Variants in ERBB4 observed in about 807,000 individuals in gnomAD.
ERBB4 encodes receptor tyrosine-protein kinase erbB-4.
A neutral mutation model predicts 158.0 loss-of-function variants in ERBB4; 42 were observed. The observed-to-expected ratio is 0.27, with a 90% CI of 0.21 to 0.34. The LOEUF (loss-of-function observed/expected upper bound fraction) is 0.34, where lower values mean the gene tolerates loss of function less well. ERBB4 is among the 10% of genes least tolerant of loss of function. The pLI is 1.00. For synonymous variants in ERBB4, 583 were observed against 558.7 expected, an observed-to-expected ratio of 1.04 and a Z score of -0.61; for missense variants, 1,333 against 1,624.1, an observed-to-expected ratio of 0.82 and a Z score of 3.08.
rs1415636918 is a variant in ERBB4, at chr2:211,894,416, TG to T, written c.421+53013del. Reference sequence around the variant, plus strand: ...TCACACTCTGGGGACTGTGGTGGGGTGGGGGGAGGGGTGAGGGATAGCATTG... The same window carrying T: ...TCACACTCTGGGGACTGTGGTGGGGTGGGGGAGGGGTGAGGGATAGCATTG... On this transcript the variant is annotated intron_variant, in intron 3 of 27. Transcript: ENST00000342788. Among the ~76,000 whole-genome samples the T allele has an allele frequency of 3.1e-5, 3 of 97,714 alleles. No individual in the cohort carries two copies. In the South Asian group the frequency reaches 1.2e-3, roughly 38 times the overall value. The allele number at this position is 97,714 out of a possible 152,430, so 64.1% of individuals were successfully genotyped here. A position where few individuals can be genotyped will look rare whatever the true frequency, so the allele number is the denominator to read the frequency against.
chr2:211,851,777 T>C (rs1421784182), intron 3 of ERBB4, among the ~76,000 whole-genome samples: 1 of 151,952 alleles, frequency 6.6e-6, no homozygotes, highest in Non-Finnish European at 1.5e-5. Context: ...CATTGAATTC[T>C]TAGAATACAG....
At chr2:211,718,084 G>T (rs1046047750) in intron 7 of ERBB4, among the ~76,000 whole-genome samples, 1 of 151,992 alleles carries the variant, frequency 6.6e-6, no homozygotes, top group African/African-American at 2.4e-5. Context: ...GATAATTTTT[G>T]TATTTTTAGT....
intron 20 of ERBB4, among the ~76,000 whole-genome samples, chr2:211,554,164 T>C (rs2067176228): frequency 6.6e-6 from 1 of 152,120 alleles, no homozygotes; most frequent in Admixed American, 6.5e-5. Flanking sequence ...TGTGTGTGTA[T>C]GGAGAGGAAA....
intron 19 of ERBB4, among the ~76,000 whole-genome samples, chr2:211,585,069 C>T (rs1415663576): frequency 6.6e-6 from 1 of 152,052 alleles, no homozygotes; most frequent in African/African-American, 2.4e-5. Context: ...CTTCCTTAGG[C>T]TGGCCGGGCG....
intron 16 of ERBB4, among the ~76,000 whole-genome samples, chr2:211,634,919 G>A (rs769509218): frequency 3.3e-5 from 5 of 151,998 alleles, no homozygotes; most frequent in South Asian, 2.1e-4. Flanking sequence ...TGATCTGCCC[G>A]CCTTGGCCTC....
intron 2 of ERBB4, among the ~76,000 whole-genome samples, chr2:212,037,719 C>A (rs969598700): frequency 7.2e-5 from 11 of 152,146 alleles, no homozygotes; most frequent in African/African-American, 2.4e-4. Context: ...AAATTACAAA[C>A]TTTTTGAAGT....
intron 1 of ERBB4, among the ~76,000 whole-genome samples, chr2:212,293,867 A>AAACAAACATTTGTAAGTGTATGATGTGT (rs1262153676): frequency 6.6e-6 from 1 of 150,794 alleles, no homozygotes; most frequent in Non-Finnish European, 1.5e-5. Flanking sequence ...AACAAAAAAA[A>AAACAAACATTTGTAAGTGTATGATGTGT]AAAAAACATA....
In ERBB4 at chr2:212,345,547, C is replaced by A. The variant is rs570070603; in HGVS notation, c.82+192902G>T. On this transcript the variant is annotated intron_variant, in intron 1 of 27. Coordinates refer to ENST00000342788, the MANE Select transcript of ERBB4 (RefSeq NM_005235.3). The stretch of plus-strand genomic sequence containing the variant: ...GAGAAACTACCTAGACTTTAGCTAA[C>A]ATGCCGTAAATGTCACTTCTCTCGG... 3.9e-5 allele frequency among the ~76,000 whole-genome samples: 6 copies of A among 152,186 alleles called. No individual in the cohort carries two copies. The South Asian group carries it at 1.0e-3, about 26-fold the overall frequency.
At chr2:212,062,399 C>CTTTTTTTTTTTTT (rs199535512) in intron 2 of ERBB4, among the ~76,000 whole-genome samples, 2 of 81,302 alleles carry the variant, frequency 2.5e-5, no homozygotes, top group African/African-American at 4.3e-5. Context: ...CTTGTCAATT[C>CTTTTTTTTTTTTT]TTTTTTTTTT....
At chr2:212,479,874 CATG>C (rs1371328693) in intron 1 of ERBB4, among the ~76,000 whole-genome samples, 1 of 152,158 alleles carries the variant, frequency 6.6e-6, no homozygotes, top group Non-Finnish European at 1.5e-5. Flanking sequence ...CAGAGGACTT[CATG>C]ATGATTGCTG....
intron 1 of ERBB4, among the ~76,000 whole-genome samples, chr2:212,235,409 T>A (rs576666528): frequency 6.6e-6 from 1 of 152,334 alleles, no homozygotes; most frequent in South Asian, 2.1e-4. Flanking sequence ...TCAGGTAGCA[T>A]GATGCCTCCA....
intron 1 of ERBB4, among the ~76,000 whole-genome samples, chr2:212,283,022 C>T (rs751393833): frequency 5.3e-5 from 8 of 151,782 alleles, no homozygotes; most frequent in Non-Finnish European, 1.2e-4. Flanking sequence ...CATTCATACT[C>T]GGTCTATTTC....
chr2:212,251,826 G>T (rs1321025189), intron 1 of ERBB4, among the ~76,000 whole-genome samples: 2 of 151,974 alleles, frequency 1.3e-5, no homozygotes, highest in Admixed American at 6.6e-5. Context: ...TAGTCAAAAA[G>T]ATATAGGAAG....
At chr2:211,761,982 A>G (rs2075427647) in intron 4 of ERBB4, among the ~76,000 whole-genome samples, 1 of 152,252 alleles carries the variant, frequency 6.6e-6, no homozygotes, top group African/African-American at 2.4e-5. Flanking sequence ...TTTCTTCATT[A>G]AGAAAATACA....
At chr2:211,535,700 G>C (rs1208863573) in intron 20 of ERBB4, 1 of 152,786 alleles carries the variant, frequency 6.5e-6, no homozygotes, top group Non-Finnish European at 1.5e-5. Flanking sequence ...TCTGATCTCG[G>C]AAACTAAGCA....
intron 1 of ERBB4, among the ~76,000 whole-genome samples, chr2:212,184,460 T>G (rs1366266010): frequency 1.3e-5 from 2 of 152,110 alleles, no homozygotes; most frequent in African/African-American, 2.4e-5. Flanking sequence ...AAATGATCAA[T>G]TCTATTAATA....
intron 16 of ERBB4, among the ~76,000 whole-genome samples, chr2:211,638,148 A>G (rs1236348232): frequency 1.3e-5 from 2 of 151,866 alleles, no homozygotes; most frequent in African/African-American, 4.8e-5. Flanking sequence ...GTGAGAAAAC[A>G]GTTAAAATGG....
chr2:211,681,066 T>A (rs1032271312), intron 12 of ERBB4, among the ~76,000 whole-genome samples: 2 of 152,178 alleles, frequency 1.3e-5, no homozygotes, highest in Non-Finnish European at 2.9e-5. Flanking sequence ...CACTGTACAT[T>A]AGTTTGCATT....
chr2:212,270,404 C>A (rs1226806063), intron 1 of ERBB4, among the ~76,000 whole-genome samples: 1 of 151,742 alleles, frequency 6.6e-6, no homozygotes, highest in African/African-American at 2.4e-5. Context: ...CTCTTTCATT[C>A]TTTACTCCTC....
Sources: gnomAD v4.1 joint callset for allele counts (sites outside exome capture counted in the v4.1 genomes callset) on GRCh38, gnomAD v4.1.1 for gene constraint, MANE v1.5 for transcripts, NCBI Gene and HGNC (gene_info 2026-07-23, HGNC 2026-07-21) for gene names.